Variants in PTBP2 observed in about 807,000 individuals in gnomAD.
PTBP2 encodes polypyrimidine tract binding protein 2.
Under a neutral mutation model 61.4 loss-of-function variants are expected in PTBP2, and 13 were observed. The ratio of observed to expected loss-of-function variants is 0.21; its 90% CI spans 0.14 to 0.34. The LOEUF is 0.34. PTBP2 is among the 10% of genes least tolerant of loss of function. PTBP2 has a pLI of 1.00. For missense variants in PTBP2, 405 were observed against 642.6 expected (o/e 0.63, Z 4.00); for synonymous variants, 215 against 218.5 (o/e 0.98, Z 0.14).
intron 8 of PTBP2, among the ~76,000 whole-genome samples, chr1:96,799,521 C>T (rs901752995): frequency 1.1e-4 from 16 of 152,012 alleles, no homozygotes; most frequent in African/African-American, 3.4e-4. Context: ...TGGTCTCGAT[C>T]TCCTGACCTT....
intron 3 of PTBP2, among the ~76,000 whole-genome samples, chr1:96,766,588 A>G (rs1284689224): frequency 6.6e-6 from 1 of 152,118 alleles, no homozygotes; most frequent in Non-Finnish European, 1.5e-5. Context: ...GTGTGTTTAT[A>G]TTTGAAAATA....
intron 1 of PTBP2, among the ~76,000 whole-genome samples, chr1:96,723,025 T>A (rs1198345126): frequency 6.6e-6 from 1 of 152,006 alleles, no homozygotes; most frequent in Non-Finnish European, 1.5e-5. Context: ...GCGCCTAGAG[T>A]TTGGTGTGTT....
intron 2 of PTBP2, among the ~76,000 whole-genome samples, chr1:96,725,033 G>T (rs984993220): frequency 2.0e-5 from 3 of 152,100 alleles, no homozygotes; most frequent in African/African-American, 7.2e-5. Flanking sequence ...GGAATAATAC[G>T]CTCTTTTTGG....
intron 11 of PTBP2, 111 bp from the exon 12 acceptor site, chr1:96,812,601 T>C: frequency 1.1e-6 from 1 of 896,896 alleles, no homozygotes; most frequent in Non-Finnish European, 1.7e-6. Flanking sequence ...AAATTGGTGA[T>C]TTATTTTAAA....
At chr1:96,799,084 T>G (rs1660689989) in intron 8 of PTBP2, among the ~76,000 whole-genome samples, 1 of 152,046 alleles carries the variant, frequency 6.6e-6, no homozygotes, top group South Asian at 2.1e-4. Flanking sequence ...TCAGCTTCAG[T>G]GGAGGAAAGG....
At chr1:96,807,515 G>T (rs1213629317) in intron 11 of PTBP2, among the ~76,000 whole-genome samples, 1 of 152,016 alleles carries the variant, frequency 6.6e-6, no homozygotes, top group Non-Finnish European at 1.5e-5. Context: ...ATACATCCTC[G>T]AATACATAAA....
intron 3 of PTBP2, among the ~76,000 whole-genome samples, chr1:96,752,344 T>G (rs1169433655): frequency 1.3e-5 from 2 of 152,156 alleles, no homozygotes; most frequent in African/African-American, 4.8e-5. Flanking sequence ...ACAAATTATA[T>G]TTGGCAATAA....
chr1:96,802,186 G>C (rs1661069441), intron 8 of PTBP2, among the ~76,000 whole-genome samples: 1 of 126,480 alleles, frequency 7.9e-6, no homozygotes, highest in East Asian at 2.5e-4. Flanking sequence ...ACTCCAACCT[G>C]AGAGACACAG....
chr1:96,761,891 C>T (rs893553022), intron 3 of PTBP2, among the ~76,000 whole-genome samples: 1 of 152,098 alleles, frequency 6.6e-6, no homozygotes, highest in Non-Finnish European at 1.5e-5. Context: ...CTGCGGACTT[C>T]CGCAGTGTTT....
chr1:96,732,365 G>A (rs1418744432), intron 2 of PTBP2, among the ~76,000 whole-genome samples: 1 of 152,014 alleles, frequency 6.6e-6, no homozygotes, highest in African/African-American at 2.4e-5. Context: ...ATTTTTATTA[G>A]AATTTCAATT....
At chr1:96,749,955 T>C (rs932498980) in intron 2 of PTBP2, among the ~76,000 whole-genome samples, 7 of 152,178 alleles carry the variant, frequency 4.6e-5, no homozygotes, top group African/African-American at 7.2e-5. Context: ...TATTTTCTAC[T>C]TGTCATGAAA....
At chr1:96,735,791 T>C (rs1652078900) in intron 2 of PTBP2, among the ~76,000 whole-genome samples, 1 of 152,194 alleles carries the variant, frequency 6.6e-6, no homozygotes, top group Non-Finnish European at 1.5e-5. Flanking sequence ...AACATCTAAT[T>C]AGCGTTCCAG....
chr1:96,770,798 T>C lies in PTBP2; in HGVS notation c.379T>C (p.Tyr127His), dbSNP rs201067962. 1.4e-5 allele frequency: 23 copies of C among 1,588,760 alleles called. No individual in the cohort carries two copies. The highest frequency in any genetic ancestry group is 1.9e-5 in the Non-Finnish European group (22 of 1,157,318). The change falls in exon 5 of 14, where the codon TAT (tyrosine) becomes CAT (histidine). Residue 127 changes from tyrosine to histidine, a missense_variant. By Grantham distance (83) the Tyr-to-His change is moderately conservative. This residue lies in a region of PTBP2 where 342 missense variants were observed against 491.2 expected (regional missense o/e 0.70). Coordinates refer to ENST00000674951, the MANE Select transcript of PTBP2 (RefSeq NM_021190.4). ...ACCTCATCTTCGTAACCAACCAATA[T>C]ATATCCAGTACTCGAATCACAAAGA... ...VTPHLRNQPIYIQYSNHKELK... is the reference protein window; with the variant it reads ...VTPHLRNQPIHIQYSNHKELK...
intron 4 of PTBP2, 73 bp downstream of exon 4, chr1:96,769,948 G>T: frequency 8.4e-7 from 1 of 1,185,350 alleles, no homozygotes. Context: ...TTGTAAAAGG[G>T]AGAAAATAGT....
intron 3 of PTBP2, among the ~76,000 whole-genome samples, chr1:96,754,649 CAT>C (rs1289123015): frequency 2.0e-5 from 3 of 152,164 alleles, no homozygotes; most frequent in Admixed American, 6.5e-5. Flanking sequence ...ATCATAATAA[CAT>C]AAAGATAAAT....
chr1:96,739,416 A>T (rs1280090227), intron 2 of PTBP2, among the ~76,000 whole-genome samples: 1 of 152,030 alleles, frequency 6.6e-6, no homozygotes, highest in Non-Finnish European at 1.5e-5. Context: ...CCATCTCCAG[A>T]ACTTTTTGGA....
chr1:96,816,705 A>C (rs1000959914), downstream of PTBP2: 5 of 152,186 alleles, frequency 3.3e-5, 1 homozygote, highest in Admixed American at 3.3e-4. Flanking sequence ...ATTCATGTAC[A>C]TCTATTTGTA....
intron 8 of PTBP2, among the ~76,000 whole-genome samples, chr1:96,798,173 A>T (rs1049198744): frequency 4.6e-5 from 7 of 152,086 alleles, no homozygotes; most frequent in African/African-American, 1.4e-4. Context: ...TGGGAGGCTA[A>T]GGTGGGCATA....
rs989540834 is a variant in PTBP2 at position 96,757,671 on chromosome 1, A to G, written c.115+6171A>G. On this transcript the variant is annotated intron_variant, in intron 3 of 13. Coordinates refer to ENST00000674951, the MANE Select transcript of PTBP2 (RefSeq NM_021190.4). ...GTACATAGAACATTCACAATGATAG[A>G]CCTTATATTGGATTATAAAATAACT... Among the ~76,000 whole-genome samples the G allele has an allele frequency of 3.9e-5, 6 of 152,178 alleles. No homozygotes were observed. The South Asian group carries it at 1.0e-3, about 26-fold the overall frequency.
Sources: gnomAD v4.1 joint callset for allele counts (sites outside exome capture counted in the v4.1 genomes callset) on GRCh38, gnomAD v4.1.1 for gene constraint, gnomAD v4.1.1 regional missense constraint, MANE v1.5 for transcripts, NCBI Gene and HGNC (gene_info 2026-07-23, HGNC 2026-07-21) for gene names.